Variants in GNA14 observed in about 807,000 individuals in gnomAD.
The protein encoded by GNA14 is guanine nucleotide-binding protein subunit alpha-14.
Under a neutral mutation model 42.0 loss-of-function variants are expected in GNA14, and 50 were observed. The ratio of observed to expected loss-of-function variants is 1.19; its 90% CI spans 0.95 to 1.51. The LOEUF is 1.51. Among genes scored for constraint, GNA14 ranks in the 40% most tolerant of loss-of-function variants. The pLI, the probability that GNA14 is intolerant of heterozygous loss-of-function variation, is 0.00. For missense variants in GNA14, 473 were observed against 446.2 expected, an observed-to-expected ratio of 1.06 and a Z score of -0.54; for synonymous variants, 173 against 163.1, an observed-to-expected ratio of 1.06 and a Z score of -0.46.
chr9:77,482,391 T>C (rs1836571493), intron 2 of GNA14, among the ~76,000 whole-genome samples: 1 of 152,230 alleles, frequency 6.6e-6, no homozygotes, highest in Non-Finnish European at 1.5e-5. Context: ...GTCCCCACTC[T>C]CTTCTGGCTT....
rs556467238 is a variant in GNA14 at position 77,579,715 on chromosome 9, G to A, written c.125-50462C>T. ...AAGATGCAAAAATGGGATCGATTTC[G>A]TTTCCCTTAGGTCTGCTGACTCATT... On this transcript the variant is annotated intron_variant, in intron 1 of 6. Transcript: ENST00000341700. Among the ~76,000 whole-genome samples the A allele has an allele frequency of 2.6e-5, 4 of 152,154 alleles. No homozygotes were observed. The South Asian group carries it at 6.2e-4, about 24-fold the overall frequency.
At chr9:77,474,202 C>A (rs1836378827) in intron 2 of GNA14, among the ~76,000 whole-genome samples, 1 of 151,832 alleles carries the variant, frequency 6.6e-6, no homozygotes, top group African/African-American at 2.4e-5. Context: ...GAACACTTGT[C>A]AAAAAAGTAA....
intron 1 of GNA14, among the ~76,000 whole-genome samples, chr9:77,555,466 T>C (rs541073947): frequency 2.0e-5 from 3 of 152,242 alleles, no homozygotes; most frequent in Admixed American, 6.5e-5. Context: ...ACTGCACCAC[T>C]GCACTCCAAC....
intron 1 of GNA14, among the ~76,000 whole-genome samples, chr9:77,573,398 G>A (rs1168709346): frequency 3.9e-5 from 6 of 152,114 alleles, no homozygotes; most frequent in South Asian, 4.2e-4. Context: ...GCAGTGAGCC[G>A]AGACTGCACC....
intron 2 of GNA14, among the ~76,000 whole-genome samples, chr9:77,449,737 G>A (rs1392727647): frequency 1.3e-5 from 2 of 152,200 alleles, no homozygotes; most frequent in Admixed American, 6.5e-5. Context: ...CAATGCAAAG[G>A]GAAGGGAATG....
At chr9:77,437,868 G>A (rs1835664750) in intron 2 of GNA14, among the ~76,000 whole-genome samples, 2 of 152,174 alleles carry the variant, frequency 1.3e-5, no homozygotes, top group Non-Finnish European at 2.9e-5. Context: ...AGTTAAGTAA[G>A]CTGAACTTCA....
At chr9:77,448,862 G>A (rs115463934) in intron 2 of GNA14, among the ~76,000 whole-genome samples, 2 of 152,262 alleles carry the variant, frequency 1.3e-5, no homozygotes, top group South Asian at 2.1e-4. Context: ...TATTTAATTA[G>A]TGTAAAAAGC....
intron 4 of GNA14, among the ~76,000 whole-genome samples, chr9:77,431,024 T>TTGTG (rs10631280): frequency 0.062 from 6,250 of 101,350 alleles, 167 homozygotes; most frequent in Non-Finnish European, 0.085. Context: ...AAGTATACAT[T>TTGTG]TGTGTGTGTG....
At position 77,458,974 on chromosome 9, in the gene GNA14, C is replaced by T. The variant is rs1375042209; in HGVS notation, c.310-24452G>A. On this transcript the variant is annotated intron_variant, in intron 2 of 6. Coordinates refer to ENST00000341700, the MANE Select transcript of GNA14 (RefSeq NM_004297.4). ...CCCACCTCCTCATGGCACTCTGTCA[C>T]CAACAATAAGTCATCGCCCTCCATC... Among the ~76,000 whole-genome samples the T allele has an allele frequency of 2.0e-5, 3 of 152,014 alleles. No individual in the cohort carries two copies. In the East Asian group the frequency reaches 5.8e-4, roughly 30 times the overall value.
At chr9:77,641,599 A>G (rs1824268763) in intron 1 of GNA14, among the ~76,000 whole-genome samples, 1 of 152,102 alleles carries the variant, frequency 6.6e-6, no homozygotes, top group Admixed American at 6.6e-5. Context: ...AGGGGACTGT[A>G]TTTTTCAAAA....
chr9:77,631,172 A>C (rs1367978819), intron 1 of GNA14, among the ~76,000 whole-genome samples: 6 of 152,178 alleles, frequency 3.9e-5, no homozygotes, highest in Admixed American at 3.9e-4. Context: ...TTTCACCCTT[A>C]ACACCTTACT....
chr9:77,584,684 CGTAGA>C (rs1564059774), intron 1 of GNA14, among the ~76,000 whole-genome samples: 3 of 152,012 alleles, frequency 2.0e-5, no homozygotes, highest in Non-Finnish European at 2.9e-5. Context: ...AGGGTGAGTC[CGTAGA>C]GTAAAGTGAA....
intron 2 of GNA14, among the ~76,000 whole-genome samples, chr9:77,499,276 C>T (rs1836926135): frequency 6.6e-6 from 1 of 151,930 alleles, no homozygotes; most frequent in Non-Finnish European, 1.5e-5. Flanking sequence ...TGAAAGTTCA[C>T]TGTAGAATTC....
At chr9:77,530,202 T>C (rs1349246375) in intron 1 of GNA14, among the ~76,000 whole-genome samples, 2 of 152,134 alleles carry the variant, frequency 1.3e-5, no homozygotes, top group Non-Finnish European at 2.9e-5. Flanking sequence ...GACTCGATCA[T>C]GGGGGTGGTT....
rs146618376 is a variant in GNA14 at position 77,482,550 on chromosome 9, G to T, written c.309+46519C>A. On this transcript the variant is annotated intron_variant, in intron 2 of 6. Transcript: ENST00000341700. ...TAAGTGTCTTGGAGTTGCTCGTCTT[G>T]AAGAGTATCTTTGTGGAGTTCTCTG... Among the ~76,000 whole-genome samples the T allele has an allele frequency of 2.5e-3, 378 of 152,160 alleles. 1 individual carries two copies. The highest frequency in any genetic ancestry group is 0.011 in the South Asian group (53 of 4,814).
chr9:77,554,801 T>C (rs1564052570), intron 1 of GNA14, among the ~76,000 whole-genome samples: 1 of 152,210 alleles, frequency 6.6e-6, no homozygotes, highest in Non-Finnish European at 1.5e-5. Flanking sequence ...GGGGATCTCA[T>C]TTCTACTGTG....
At chr9:77,574,474 T>TA (rs1443342144) in intron 1 of GNA14, among the ~76,000 whole-genome samples, 1 of 152,212 alleles carries the variant, frequency 6.6e-6, no homozygotes, top group African/African-American at 2.4e-5. Flanking sequence ...ACCAATGGAA[T>TA]AAAAAATATT....
intron 2 of GNA14, among the ~76,000 whole-genome samples, chr9:77,447,269 A>G (rs1260124597): frequency 2.0e-5 from 3 of 152,106 alleles, no homozygotes; most frequent in African/African-American, 4.8e-5. Context: ...TGTAAAAGCT[A>G]CTTATCTGTT....
chr9:77,619,376 T>C (rs748917551), intron 1 of GNA14, among the ~76,000 whole-genome samples: 16 of 152,108 alleles, frequency 1.1e-4, no homozygotes, highest in Non-Finnish European at 1.5e-4. Context: ...TAATTTTGTA[T>C]TTTTAGTATA....
Sources: allele counts gnomAD v4.1 joint callset (sites outside exome capture counted in the v4.1 genomes callset), GRCh38; gene constraint gnomAD v4.1.1; transcripts MANE v1.5; gene names NCBI Gene and HGNC (gene_info 2026-07-23, HGNC 2026-07-21).